The following EFR3B variants were observed in gnomAD, a reference collection of about 807,000 sequenced individuals.
EFR3B encodes protein EFR3 homolog B.
Under a neutral mutation model 104.7 loss-of-function variants are expected in EFR3B, and 64 were observed. That is an observed-to-expected ratio of 0.61 (90% CI 0.50 to 0.75). EFR3B has a LOEUF of 0.75. Ranked by LOEUF, EFR3B falls within the 30% of genes least tolerant of loss-of-function variation. EFR3B has a pLI of 0.00. For missense variants in EFR3B, 750 were observed against 1,078.5 expected, an observed-to-expected ratio of 0.70 and a Z score of 4.27; for synonymous variants, 385 against 417.9, an observed-to-expected ratio of 0.92 and a Z score of 0.96.
Position 25,145,000 on chromosome 2 carries a change from C to A in EFR3B, c.2091C>A (p.Thr697=). The A allele has an allele frequency of 6.4e-7, 1 of 1,551,736 alleles. No individual in the cohort carries two copies. The highest frequency in any genetic ancestry group is 8.7e-7 in the Non-Finnish European group (1 of 1,147,000). ...RLSKRRSIGE[T]ISLQVEVESR... Reference sequence around the variant, plus strand: ...CCAAGAGGAGGAGCATTGGAGAGACCATCTCCCTGCAGGTGGAGGTAGAAT... The same window carrying A: ...CCAAGAGGAGGAGCATTGGAGAGACAATCTCCCTGCAGGTGGAGGTAGAAT... Residue 697 remains threonine, a synonymous_variant, in exon 19 of 23, where the codon ACC becomes ACA. Transcript: ENST00000403714.
At position 25,137,560 on chromosome 2, in the gene EFR3B, G is replaced by T. The variant is rs2149208449; in HGVS notation, c.1722+58G>T. 6.5e-7 allele frequency: 1 copy of T among 1,547,276 alleles called. No individual in the cohort carries two copies. Among genetic ancestry groups the T allele is most frequent in the South Asian group, 1.2e-5 (1 of 83,688 alleles). On this transcript the variant is annotated intron_variant, in intron 15 of 22. Transcript: ENST00000403714. This position sits in a 1 kb window ranked among gnomAD's most constrained non-coding sequence, Gnocchi z 4.7. ...GGGATCAGGGGAGGGACTTGTTTTG[G>T]GCAAGCCCTGATAAGAGTATTGACT... is the stretch of plus-strand genomic sequence containing the variant.
At chr2:25,103,882 G>C in intron 4 of EFR3B, 95 bp downstream of exon 4, 1 of 1,448,696 alleles carries the variant, frequency 6.9e-7, no homozygotes, top group South Asian at 1.4e-5. Flanking sequence ...GTCATGTTCT[G>C]TTCCTTCTTG....
chr2:25,154,284 C>T lies in EFR3B; in HGVS notation c.2398C>T (p.Gln800Ter), dbSNP rs1386684069. ...CATCACTGCAGCCTACGGTCAGCCG[C>T]AGAACCACTCCATCCCCGTCTATGA... ...GTITAAYGQPQNHSIPVYEMK... is the reference protein window; with the variant it reads ...GTITAAYGQP Residue 800 changes from glutamine to a stop codon, truncating the protein, a stop_gained, in exon 23 of 23, where the codon CAG becomes TAG. Transcript: ENST00000403714. LOFTEE classifies it high-confidence loss of function. This position sits in a 1 kb window ranked among gnomAD's most constrained non-coding sequence, Gnocchi z 4.1. 1.3e-6 allele frequency: 2 copies of T among 1,552,030 alleles called. No individual in the cohort carries two copies. Among genetic ancestry groups the T allele is most frequent in the Non-Finnish European group, 1.7e-6 (2 of 1,147,072 alleles).
intron 4 of EFR3B, among the ~76,000 whole-genome samples, chr2:25,112,759 C>G (rs1198991336): frequency 2.0e-5 from 3 of 152,214 alleles, no homozygotes; most frequent in African/African-American, 7.2e-5. Flanking sequence ...TCTCCTTTCT[C>G]TTTGTAGGTA....
chr2:25,055,984 G>A (rs922169240), intron 1 of EFR3B, among the ~76,000 whole-genome samples: 1 of 152,190 alleles, frequency 6.6e-6, no homozygotes, highest in African/African-American at 2.4e-5. Flanking sequence ...ACTTTGGTAT[G>A]TAGTAGTAAG....
At chr2:25,113,500 C>G (rs1211109761) in intron 4 of EFR3B, among the ~76,000 whole-genome samples, 3 of 151,952 alleles carry the variant, frequency 2.0e-5, no homozygotes, top group Non-Finnish European at 4.4e-5. Flanking sequence ...AACCCCATCT[C>G]TACTAAAAAT....
chr2:25,096,896 A>G (rs532614988), intron 3 of EFR3B, among the ~76,000 whole-genome samples: 2 of 152,224 alleles, frequency 1.3e-5, no homozygotes, highest in Non-Finnish European at 1.5e-5. Flanking sequence ...ATCCAAACCA[A>G]TATGTTTCTG....
chr2:25,125,693 A>C (rs1349994820), intron 5 of EFR3B, among the ~76,000 whole-genome samples: 2 of 152,222 alleles, frequency 1.3e-5, no homozygotes, highest in Admixed American at 6.5e-5. Context: ...TCACGCCTGT[A>C]ATCCCAGCAC....
intron 3 of EFR3B, among the ~76,000 whole-genome samples, chr2:25,094,298 A>G (rs1368615310): frequency 2.7e-5 from 4 of 150,494 alleles, no homozygotes; most frequent in African/African-American, 9.7e-5. Flanking sequence ...AAAAAAAAAA[A>G]AAAGAAAAAA....
intron 1 of EFR3B, among the ~76,000 whole-genome samples, chr2:25,047,644 G>T (rs567429165): frequency 6.6e-6 from 1 of 151,660 alleles, no homozygotes; most frequent in African/African-American, 2.4e-5. Context: ...GATTACAGGC[G>T]TGTGCCACCA....
Position 25,135,771 on chromosome 2 carries a change from C to T in EFR3B, c.1484+132C>T, listed in dbSNP as rs919184956. On this transcript the variant is annotated intron_variant, in intron 13 of 22. Coordinates refer to ENST00000403714, the MANE Select transcript of EFR3B (RefSeq NM_014971.2). The stretch of plus-strand genomic sequence containing the variant: ...TGAGTATTGTGGGATCTGAGTATCC[C>T]ACAATTCAGATACTCAGTGAGACTC... 5.5e-6 allele frequency: 6 copies of T among 1,088,630 alleles called. No homozygotes were observed. The Admixed American group carries it at 7.4e-5, about 13-fold the overall frequency. 67.4% of individuals were successfully genotyped at this position (1,088,630 alleles called of 1,614,324 possible). A position where few individuals can be genotyped will look rare whatever the true frequency, so the allele number is the denominator to read the frequency against.
At chr2:25,054,100 C>T (rs1448008721) in intron 1 of EFR3B, among the ~76,000 whole-genome samples, 1 of 152,160 alleles carries the variant, frequency 6.6e-6, no homozygotes, top group African/African-American at 2.4e-5. Flanking sequence ...TTGATGGACA[C>T]GTGGTGGTCC....
At chr2:25,121,284 G>T (rs1454687692) in intron 4 of EFR3B, among the ~76,000 whole-genome samples, 1 of 152,186 alleles carries the variant, frequency 6.6e-6, no homozygotes, top group African/African-American at 2.4e-5. Context: ...AATTCATTGA[G>T]GGTGGTGCTC....
rs1449015829 is a variant in EFR3B at position 25,154,041 on chromosome 2, G to A, written c.2349-194G>A. On this transcript the variant is annotated intron_variant, in intron 22 of 22. Coordinates refer to ENST00000403714, the MANE Select transcript of EFR3B (RefSeq NM_014971.2). This position sits in a 1 kb window ranked among gnomAD's most constrained non-coding sequence, Gnocchi z 4.1. ...CTTTCTAAAGCAGCAGTGTCACTGC[G>A]GAGCCTGCAGGGAAGCTTGACTCCA... Among the ~76,000 whole-genome samples the A allele has an allele frequency of 6.6e-6, 1 of 152,202 alleles. No individual in the cohort carries two copies. The highest frequency in any genetic ancestry group is 1.5e-5 in the Non-Finnish European group (1 of 68,036).
intron 1 of EFR3B, among the ~76,000 whole-genome samples, chr2:25,082,457 G>A (rs1203023212): frequency 6.6e-6 from 1 of 152,206 alleles, no homozygotes; most frequent in African/African-American, 2.4e-5. Context: ...TAGAAGATGG[G>A]CTGGGCACCA....
intron 1 of EFR3B, among the ~76,000 whole-genome samples, chr2:25,077,725 A>C (rs1483945348): frequency 6.6e-6 from 1 of 152,232 alleles, no homozygotes. Context: ...TAGAACAAAT[A>C]CACTGAAATT....
intron 1 of EFR3B, among the ~76,000 whole-genome samples, chr2:25,065,806 GTTCCC>G (rs1668318342): frequency 1.3e-5 from 2 of 152,066 alleles, no homozygotes; most frequent in East Asian, 3.9e-4. Flanking sequence ...GCTCTGGGCT[GTTCCC>G]AGCCCACCCG....
intron 1 of EFR3B, among the ~76,000 whole-genome samples, chr2:25,045,032 C>T (rs532885451): frequency 5.9e-5 from 9 of 152,176 alleles, no homozygotes; most frequent in Admixed American, 3.3e-4. Flanking sequence ...AAAAGTGAAA[C>T]GCATGTCTGT....
chr2:25,088,039 A>G (rs762321281), intron 1 of EFR3B, among the ~76,000 whole-genome samples: 2 of 152,044 alleles, frequency 1.3e-5, no homozygotes, highest in Non-Finnish European at 2.9e-5. Flanking sequence ...TCCACCTGTC[A>G]GTTCTTTCAC....
Sources: gnomAD v4.1 joint callset for allele counts (sites outside exome capture counted in the v4.1 genomes callset) on GRCh38, gnomAD v4.1.1 for gene constraint, Gnocchi (gnomAD v3.1) non-coding constraint, MANE v1.5 for transcripts, NCBI Gene and HGNC (gene_info 2026-07-23, HGNC 2026-07-21) for gene names.